The following ADGRL2 variants were observed in gnomAD, a reference collection of about 807,000 sequenced individuals.
ADGRL2 encodes adhesion G protein-coupled receptor L2.
A neutral mutation model predicts 157.4 loss-of-function variants in ADGRL2; 44 were observed. The observed-to-expected ratio is 0.28, with a 90% CI of 0.22 to 0.36. ADGRL2 has a LOEUF of 0.36. Ranked by LOEUF, ADGRL2 falls within the 10% of genes least tolerant of loss-of-function variation. The pLI, the probability that ADGRL2 is intolerant of heterozygous loss-of-function variation, is 1.00. For synonymous variants in ADGRL2, 585 were observed against 624.7 expected (o/e 0.94, Z 0.95); for missense variants, 1,510 against 1,768.9 (o/e 0.85, Z 2.63).
In ADGRL2 at chr1:81,907,289, T is replaced by C. The variant is rs2094602806; in HGVS notation, c.287+59T>C. Reference sequence around the variant, plus strand: ...TATTGTATCCAAATTAGAAAAATTATTACAGTTATTCCAAAGCGAATGGAT... The same window carrying C: ...TATTGTATCCAAATTAGAAAAATTACTACAGTTATTCCAAAGCGAATGGAT... On this transcript the variant is annotated intron_variant, in intron 3 of 23. Transcript: ENST00000686636. The C allele has an allele frequency of 1.5e-5, 22 of 1,433,856 alleles. No individual in the cohort carries two copies. In the South Asian group the frequency reaches 2.4e-4, roughly 16 times the overall value. The allele number at this position is 1,433,856 out of a possible 1,614,324, so 88.8% of individuals were successfully genotyped here.
At chr1:81,987,392 A>G in intron 22 of ADGRL2, 2 of 1,194,996 alleles carry the variant, frequency 1.7e-6, no homozygotes, top group Non-Finnish European at 2.5e-6. Context: ...GCTTGCTGAC[A>G]AAATTTGCTT....
chr1:81,659,574 G>T (rs553191219), intron 3 of ADGRL2, among the ~76,000 whole-genome samples: 1 of 152,058 alleles, frequency 6.6e-6, no homozygotes, highest in Non-Finnish European at 1.5e-5. Context: ...CCCAGAGAAC[G>T]CATTCATTTA....
chr1:81,323,398 C>G (rs1317559952), intron 1 of ADGRL2, among the ~76,000 whole-genome samples: 1 of 145,128 alleles, frequency 6.9e-6, no homozygotes, highest in Non-Finnish European at 1.5e-5. Flanking sequence ...AGCCATTGTA[C>G]TAGACTAATT....
intron 1 of ADGRL2, among the ~76,000 whole-genome samples, chr1:81,746,727 T>G (rs2085258516): frequency 6.6e-6 from 1 of 152,148 alleles, no homozygotes; most frequent in Admixed American, 6.5e-5. Context: ...TTATCATAAT[T>G]ACTAAAACAA....
At chr1:81,528,772 G>A (rs1475729543) in intron 2 of ADGRL2, among the ~76,000 whole-genome samples, 1 of 152,036 alleles carries the variant, frequency 6.6e-6, no homozygotes, top group Non-Finnish European at 1.5e-5. Flanking sequence ...TTGATTGCAG[G>A]ATTAAAGTAA....
In ADGRL2 at chr1:81,781,600, T is replaced by G. The variant is rs569670031; in HGVS notation, c.-101+19748T>G. ...CTTGTTATCACAGGACTGATAGCAT[T>G]TCAGGTTGGTTACAGATGGGAGGAA... is the stretch of plus-strand genomic sequence containing the variant. On this transcript the variant is annotated intron_variant, in intron 2 of 20. Coordinates refer to the ADGRL2 transcript ENST00000359929. Among the ~76,000 whole-genome samples the G allele has an allele frequency of 9.2e-5, 14 of 152,284 alleles. No individual in the cohort carries two copies. In the East Asian group the frequency reaches 2.5e-3, roughly 27 times the overall value.
At chr1:81,975,013 TTTC>T (rs1659775082) in intron 17 of ADGRL2, among the ~76,000 whole-genome samples, 2 of 152,006 alleles carry the variant, frequency 1.3e-5, no homozygotes, top group African/African-American at 4.8e-5. Context: ...GGATTTTTTT[TTTC>T]TTGATTTGTT....
intron 1 of ADGRL2, among the ~76,000 whole-genome samples, chr1:81,431,377 A>G (rs957884729): frequency 6.6e-6 from 1 of 152,172 alleles, no homozygotes; most frequent in Non-Finnish European, 1.5e-5. Flanking sequence ...GCCACTCACC[A>G]CAAATCCCCA....
At chr1:81,729,760 A>G (rs2084658004) in intron 1 of ADGRL2, among the ~76,000 whole-genome samples, 1 of 152,248 alleles carries the variant, frequency 6.6e-6, no homozygotes, top group African/African-American at 2.4e-5. Flanking sequence ...ATTACATTTA[A>G]GTTACACGTA....
intron 2 of ADGRL2, among the ~76,000 whole-genome samples, chr1:81,774,238 T>C (rs1355993855): frequency 6.6e-6 from 1 of 152,240 alleles, no homozygotes; most frequent in Non-Finnish European, 1.5e-5. Flanking sequence ...ACATTTCAAA[T>C]GTCTGCTCTC....
chr1:81,698,148 A>C (rs79875898), upstream of ADGRL2, among the ~76,000 whole-genome samples: 7,778 of 152,284 alleles, frequency 0.051, 257 homozygotes, highest in Non-Finnish European at 0.071. Context: ...ATAAGGATTA[A>C]ATTTATCCTC....
chr1:81,936,375 A>G (rs2095310620), intron 3 of ADGRL2, among the ~76,000 whole-genome samples: 1 of 151,910 alleles, frequency 6.6e-6, no homozygotes, highest in African/African-American at 2.4e-5. Flanking sequence ...CTAGTAAGAT[A>G]TATCCAAATA....
At chr1:81,420,542 A>C (rs757253788) in intron 1 of ADGRL2, among the ~76,000 whole-genome samples, 10 of 152,146 alleles carry the variant, frequency 6.6e-5, no homozygotes, top group Non-Finnish European at 1.5e-4. Flanking sequence ...ACGTTTTCTG[A>C]GTTTTCTCAG....
At chr1:81,448,476 T>C (rs922547619) in intron 2 of ADGRL2, among the ~76,000 whole-genome samples, 1 of 152,020 alleles carries the variant, frequency 6.6e-6, no homozygotes, top group African/African-American at 2.4e-5. Context: ...TTACCCTGTC[T>C]CAGATATTTC....
At chr1:81,681,241 A>C (rs943685063) in intron 3 of ADGRL2, among the ~76,000 whole-genome samples, 1 of 152,230 alleles carries the variant, frequency 6.6e-6, no homozygotes, top group Non-Finnish European at 1.5e-5. Flanking sequence ...GAGAACCTGC[A>C]GAAGGGATGG....
chr1:81,721,860 A>G (rs1272711493), intron 1 of ADGRL2: 19 of 803,716 alleles, frequency 2.4e-5, no homozygotes, highest in South Asian at 6.6e-5. Flanking sequence ...ACCAAGGGGA[A>G]AAAAAAAACC....
At chr1:81,596,344 G>T in intron 3 of ADGRL2, 1 of 534,666 alleles carries the variant, frequency 1.9e-6, no homozygotes, top group South Asian at 1.5e-5. Context: ...GTAGGCATTC[G>T]AACTTGTCCT....
chr1:81,750,457 G>A (rs1379116649), intron 1 of ADGRL2, among the ~76,000 whole-genome samples: 4 of 152,162 alleles, frequency 2.6e-5, no homozygotes, highest in Admixed American at 1.3e-4. Context: ...GGTGGCTCAC[G>A]CCTGTAATCC....
chr1:81,306,698 T>C (rs1020805223), intron 1 of ADGRL2, among the ~76,000 whole-genome samples: 7 of 152,184 alleles, frequency 4.6e-5, no homozygotes, highest in African/African-American at 1.7e-4. Flanking sequence ...AATGTTTATT[T>C]TCCCTGCAGC....
Sources: allele counts gnomAD v4.1 joint callset (sites outside exome capture counted in the v4.1 genomes callset), GRCh38; gene constraint gnomAD v4.1.1; transcripts MANE v1.5; gene names NCBI Gene and HGNC (gene_info 2026-07-23, HGNC 2026-07-21).